Variants in LINGO1 observed in about 807,000 individuals in gnomAD.
The protein encoded by LINGO1 is leucine-rich repeat and immunoglobulin-like domain-containing nogo receptor-interacting protein 1.
In LINGO1, 11 loss-of-function variants were observed where a neutral mutation model predicts 37.3. That is an observed-to-expected ratio of 0.29 (90% CI 0.19 to 0.49). The LOEUF (loss-of-function observed/expected upper bound fraction) is 0.49. Among genes scored for constraint, LINGO1 ranks in the 20% least tolerant of loss-of-function variants. The probability of loss-of-function intolerance (pLI) is 0.99; values close to 1 mark genes in which losing one functional copy is unlikely to be tolerated. For synonymous variants in LINGO1, 387 were observed against 403.0 expected (o/e 0.96, Z 0.48); for missense variants, 585 against 878.2 (o/e 0.67, Z 4.22).
At chr15:77,628,301 A>T (rs115042330) in intron 1 of LINGO1, among the ~76,000 whole-genome samples, 2,450 of 152,306 alleles carry the variant, frequency 0.016, 46 homozygotes, top group African/African-American at 0.05. Flanking sequence ...AATGGAAATA[A>T]CCTAAATGTC....
At chr15:77,649,918 A>G (rs761924823) in intron 3 of LINGO1, among the ~76,000 whole-genome samples, 7 of 152,158 alleles carry the variant, frequency 4.6e-5, no homozygotes, top group African/African-American at 7.2e-5. Context: ...TGGTTATGGC[A>G]AAACAGAACT....
chr15:77,703,530 C>G (rs1370122096), intron 2 of LINGO1, among the ~76,000 whole-genome samples: 1 of 152,138 alleles, frequency 6.6e-6, no homozygotes, highest in Non-Finnish European at 1.5e-5. Flanking sequence ...GGTGTCCAGG[C>G]CTACAGCAGG....
intron 1 of LINGO1, among the ~76,000 whole-genome samples, chr15:77,819,862 C>T (rs1275994519): frequency 1.3e-5 from 2 of 151,434 alleles, no homozygotes; most frequent in Non-Finnish European, 3.0e-5. Context: ...GCGCCGGCCC[C>T]CTCCGCGGCG....
Position 77,615,759 on chromosome 15 carries a change from C to A in LINGO1, c.148G>T (p.Ala50Ser). 6.3e-7 allele frequency: 1 copy of A among 1,580,606 alleles called. No homozygotes were observed. Among genetic ancestry groups the A allele is most frequent in the South Asian group, 1.1e-5 (1 of 87,874 alleles). Residue 50 changes from alanine (A) to serine (S), a missense_variant, in exon 2 of 2, where the codon GCC (alanine) becomes TCC (serine). This residue lies in a region of LINGO1 where 484 missense variants were observed against 735.0 expected (regional missense o/e 0.66). Transcript: ENST00000355300. ...TGCPPRCECSAQDRAVLCHRK... is the reference protein window; with the variant it reads ...TGCPPRCECSSQDRAVLCHRK... ...TGGCACAGCACAGCGCGGTCCTGGG[C>A]GGAGCACTCGCAGCGGGGCGGGCAG...
At chr15:77,736,922 A>G (rs1012097857) in intron 1 of LINGO1, among the ~76,000 whole-genome samples, 1 of 152,218 alleles carries the variant, frequency 6.6e-6, no homozygotes, top group Non-Finnish European at 1.5e-5. Flanking sequence ...AAGTTCCAGC[A>G]TGTTTTCCTA....
At chr15:77,669,071 T>C (rs571720698) in intron 3 of LINGO1, among the ~76,000 whole-genome samples, 2 of 152,358 alleles carry the variant, frequency 1.3e-5, no homozygotes, top group Admixed American at 6.5e-5. Flanking sequence ...TGTCAGGGTA[T>C]AATTACCTGT....
intron 3 of LINGO1, among the ~76,000 whole-genome samples, chr15:77,653,565 A>G (rs567312942): frequency 6.6e-6 from 1 of 152,302 alleles, no homozygotes; most frequent in South Asian, 2.1e-4. Flanking sequence ...TATTACTGGT[A>G]TCTGCTGCTT....
At chr15:77,786,833 A>G (rs1007993392) in intron 1 of LINGO1, 3 of 152,250 alleles carry the variant, frequency 2.0e-5, no homozygotes, top group African/African-American at 4.8e-5. Flanking sequence ...AAGTCCTTTC[A>G]GCAAGAACCC....
intron 1 of LINGO1, among the ~76,000 whole-genome samples, chr15:77,617,802 C>T (rs775192357): frequency 4.6e-5 from 7 of 152,250 alleles, no homozygotes; most frequent in African/African-American, 1.4e-4. Flanking sequence ...CCAGGACTGA[C>T]GGGAGCTTCG....
intron 2 of LINGO1, among the ~76,000 whole-genome samples, chr15:77,718,849 C>T (rs1405784027): frequency 6.6e-6 from 1 of 150,834 alleles, no homozygotes; most frequent in African/African-American, 2.4e-5. Flanking sequence ...GCTACCGGGG[C>T]CTCCCTGACT....
intron 2 of LINGO1, among the ~76,000 whole-genome samples, chr15:77,705,173 T>TCACACACACACACACACACA (rs1187038083): frequency 1.1e-4 from 5 of 44,108 alleles, no homozygotes; most frequent in Non-Finnish European, 2.9e-4. Context: ...CCCCCTGCCA[T>TCACACACACACACACACACA]GACACACACA....
At chr15:77,668,792 T>TACACACACACAC (rs34476518) in intron 3 of LINGO1, among the ~76,000 whole-genome samples, 179 of 134,894 alleles carry the variant, frequency 1.3e-3, no homozygotes, top group African/African-American at 3.7e-3. Context: ...CACAGGGGAA[T>TACACACACACAC]ACACACACAC....
chr15:77,656,819 G>C (rs962727256), intron 3 of LINGO1, among the ~76,000 whole-genome samples: 4 of 152,194 alleles, frequency 2.6e-5, no homozygotes, highest in African/African-American at 9.6e-5. Flanking sequence ...GGAGGGATGG[G>C]GAAAACAGGA....
At chr15:77,660,774 CTG>C (rs1392903642) in intron 3 of LINGO1, among the ~76,000 whole-genome samples, 2 of 151,054 alleles carry the variant, frequency 1.3e-5, no homozygotes, top group East Asian at 4.0e-4. Flanking sequence ...GAGAGTCTGT[CTG>C]TAGTTTTCCC....
At chr15:77,666,112 ATGAATGAATGAATGAATGAG>A (rs2075123984) in intron 3 of LINGO1, among the ~76,000 whole-genome samples, 3 of 150,368 alleles carry the variant, frequency 2.0e-5, no homozygotes, top group Admixed American at 2.0e-4. Flanking sequence ...TGTTGGCTGA[ATGAATGAATGAATGAATGAG>A]TGAATGAATG....
At chr15:77,634,547 A>G (rs1434757246), upstream of LINGO1, among the ~76,000 whole-genome samples, 12 of 152,232 alleles carry the variant, frequency 7.9e-5, no homozygotes, top group Admixed American at 7.2e-4. Context: ...GGCTCTGCCC[A>G]TGGTCACACA....
chr15:77,786,393 G>A (rs998541026), intron 1 of LINGO1, among the ~76,000 whole-genome samples: 2 of 151,864 alleles, frequency 1.3e-5, no homozygotes, highest in South Asian at 2.1e-4. Context: ...ACCTCATCCC[G>A]CCCACCACCC....
At chr15:77,643,227 C>A (rs2074548932) in intron 3 of LINGO1, among the ~76,000 whole-genome samples, 1 of 152,206 alleles carries the variant, frequency 6.6e-6, no homozygotes, top group Non-Finnish European at 1.5e-5. Flanking sequence ...ATGGAGATGT[C>A]TTTCAGGTCC....
chr15:77,761,876 C>A (rs1596200100), intron 1 of LINGO1, among the ~76,000 whole-genome samples: 1 of 152,350 alleles, frequency 6.6e-6, no homozygotes, highest in African/African-American at 2.4e-5. Flanking sequence ...CCATCCCTGG[C>A]ATATAGCCTC....
Sources: allele counts gnomAD v4.1 joint callset (sites outside exome capture counted in the v4.1 genomes callset), GRCh38; gene constraint gnomAD v4.1.1; regional missense constraint gnomAD v4.1.1; transcripts MANE v1.5; gene names NCBI Gene and HGNC (gene_info 2026-07-23, HGNC 2026-07-21).